The following RYK variants were observed in gnomAD, a reference collection of about 807,000 sequenced individuals.
RYK encodes the protein inactive tyrosine-protein kinase RYK.
Under a neutral mutation model 70.2 loss-of-function variants are expected in RYK, and 21 were observed. The ratio of observed to expected loss-of-function variants is 0.30; its 90% CI spans 0.21 to 0.43. The LOEUF is 0.43. Ranked by LOEUF, RYK falls within the 20% of genes least tolerant of loss-of-function variation. The pLI is 1.00. For synonymous variants in RYK, 267 were observed against 278.0 expected (o/e 0.96, Z 0.39); for missense variants, 604 against 753.3 (o/e 0.80, Z 2.32).
intron 1 of RYK, among the ~76,000 whole-genome samples, chr3:134,236,876 T>C (rs1278162820): frequency 6.6e-6 from 1 of 152,200 alleles, no homozygotes; most frequent in Non-Finnish European, 1.5e-5. Context: ...GGTAGCATTT[T>C]GTCATTAGAA....
chr3:134,226,861 T>C (rs1391733389), intron 1 of RYK, among the ~76,000 whole-genome samples: 1 of 152,094 alleles, frequency 6.6e-6, no homozygotes, highest in Non-Finnish European at 1.5e-5. Flanking sequence ...TCATACTCAA[T>C]GGTAAATTAT....
intron 13 of RYK, among the ~76,000 whole-genome samples, chr3:134,174,927 A>C (rs1356471265): frequency 6.6e-6 from 1 of 152,168 alleles, no homozygotes; most frequent in African/African-American, 2.4e-5. Flanking sequence ...TCTAGCAACT[A>C]TTTGGTCTGC....
rs762817075 is a variant in RYK at position 134,183,075 on chromosome 3, T to C, written c.1103-4A>G. The stretch of plus-strand genomic sequence containing the variant: ...ACCTGAATTTCAGAAGCTTGATCTA[T>C]ATATAAAGAAAAGAAAATGTCTTGA... On this transcript the variant is annotated splice_region_variant and splice_polypyrimidine_tract_variant and intron_variant, in intron 9 of 14. Transcript: ENST00000623711. 30 of 1,549,662 alleles carry C rather than the reference T, an allele frequency of 1.9e-5. No homozygotes were observed. Among genetic ancestry groups the C allele is most frequent in the Admixed American group, 1.1e-4 (6 of 53,864 alleles).
At chr3:134,161,357 T>G (rs1043890577) in intron 13 of RYK, among the ~76,000 whole-genome samples, 15 of 152,206 alleles carry the variant, frequency 9.9e-5, no homozygotes, top group South Asian at 2.1e-4. Context: ...TTCTTTGCTG[T>G]GAGAAGCTGT....
chr3:134,206,839 G>A (rs896042477), intron 5 of RYK, among the ~76,000 whole-genome samples: 6 of 151,986 alleles, frequency 3.9e-5, no homozygotes, highest in African/African-American at 7.3e-5. Flanking sequence ...TCATCAAAGC[G>A]TACTCTGAAC....
At chr3:134,173,115 C>T (rs1422710842) in intron 13 of RYK, among the ~76,000 whole-genome samples, 1 of 151,858 alleles carries the variant, frequency 6.6e-6, no homozygotes, top group Non-Finnish European at 1.5e-5. Flanking sequence ...AAATGAAAGA[C>T]CTTGATTTTA....
chr3:134,202,427 G>C (rs1303729426), intron 6 of RYK: 4 of 269,500 alleles, frequency 1.5e-5, no homozygotes, highest in Non-Finnish European at 2.8e-5. Flanking sequence ...GGAAGAAACA[G>C]GGCTATTTTG....
chr3:134,173,528 C>A (rs1488487235), intron 13 of RYK, among the ~76,000 whole-genome samples: 1 of 152,110 alleles, frequency 6.6e-6, no homozygotes, highest in African/African-American at 2.4e-5. Context: ...GAAGCAGGCA[C>A]CTTCCTCACA....
chr3:134,232,439 C>G (rs2015089951), intron 1 of RYK, among the ~76,000 whole-genome samples: 1 of 152,142 alleles, frequency 6.6e-6, no homozygotes, highest in Admixed American at 6.5e-5. Context: ...GATGCTTGTA[C>G]CCTCAACAAA....
rs1480015714 is a variant in RYK, at chr3:134,250,820, CG to C, written c.-167del. On this transcript the variant is annotated 5_prime_UTR_variant, in exon 1 of 15. The change abolishes the stop of an existing upstream ORF in the 5' untranslated region. Transcript: ENST00000623711. ...GCTTCAGACCTCCGGAGCGCGCCGC[CG>C]CCGCCGCCTCCTCGCTGCATCGTCC... 5.9e-6 allele frequency: 1 copy of C among 169,202 alleles called. No individual in the cohort carries two copies. The allele number at this position is 169,202 out of a possible 1,614,324, so 10.5% of individuals were successfully genotyped here.
intron 8 of RYK, among the ~76,000 whole-genome samples, chr3:134,189,930 C>T (rs2013594554): frequency 6.6e-6 from 1 of 152,070 alleles, no homozygotes; most frequent in African/African-American, 2.4e-5. Flanking sequence ...TACTCTTTCT[C>T]ACTAGAAAAT....
intron 8 of RYK, among the ~76,000 whole-genome samples, chr3:134,189,942 G>A (rs1188692367): frequency 6.6e-6 from 1 of 152,000 alleles, no homozygotes; most frequent in African/African-American, 2.4e-5. Flanking sequence ...CTAGAAAATT[G>A]TTTACTTTCC....
intron 1 of RYK, among the ~76,000 whole-genome samples, chr3:134,248,201 A>G (rs2015516801): frequency 6.6e-6 from 1 of 152,186 alleles, no homozygotes; most frequent in Non-Finnish European, 1.5e-5. Context: ...CCCTATTTGC[A>G]CTAGAGAAAA....
intron 6 of RYK, among the ~76,000 whole-genome samples, chr3:134,199,493 C>A (rs2013919227): frequency 6.6e-6 from 1 of 152,182 alleles, no homozygotes; most frequent in Non-Finnish European, 1.5e-5. Flanking sequence ...GAAGAGCAAT[C>A]CTGAAAAAGT....
At chr3:134,246,984 G>GA (rs370867789) in intron 1 of RYK, among the ~76,000 whole-genome samples, 127 of 143,976 alleles carry the variant, frequency 8.8e-4, no homozygotes, top group Non-Finnish European at 1.1e-3. Context: ...GTGCTACCTG[G>GA]AAAAAAAAAA....
At chr3:134,249,070 C>T (rs2015541867) in intron 1 of RYK, among the ~76,000 whole-genome samples, 1 of 152,082 alleles carries the variant, frequency 6.6e-6, no homozygotes, top group African/African-American at 2.4e-5. Flanking sequence ...CTTTACAAAA[C>T]CATGCATAAT....
At position 134,224,058 on chromosome 3, in the gene RYK, C is replaced by T. The variant is rs569633058; in HGVS notation, c.233-1519G>A. On this transcript the variant is annotated intron_variant, in intron 1 of 14. Transcript: ENST00000623711. ...CTTGTAGGGTCCAACCCTACAGGGC[C>T]TGTGGGTTTTTCTCCTTGTGTGCGG... is the stretch of plus-strand genomic sequence containing the variant. Among the ~76,000 whole-genome samples, 29 of 152,258 alleles carry T rather than the reference C, an allele frequency of 1.9e-4. No individual in the cohort carries two copies. In the South Asian group the frequency reaches 4.4e-3, roughly 23 times the overall value.
In RYK at chr3:134,215,112, G is replaced by A. The variant is rs975380417; in HGVS notation, c.355-3505C>T. ...CTTACTATTTCCCCAGAAACTTGCT[G>A]TCTCCTTTATTCTAGGTCTCAGTTA... On this transcript the variant is annotated intron_variant, in intron 2 of 14. Coordinates refer to ENST00000623711, the MANE Select transcript of RYK (RefSeq NM_002958.4). Among the ~76,000 whole-genome samples, 6 of 152,180 alleles carry A rather than the reference G, an allele frequency of 3.9e-5. 1 individual carries two copies. The highest frequency in any genetic ancestry group is 1.4e-4 in the African/African-American group (6 of 41,454).
chr3:134,189,073 T>A, intron 8 of RYK, 150 bp from the exon 9 acceptor site: 1 of 498,748 alleles, frequency 2.0e-6, no homozygotes, highest in East Asian at 3.5e-5. Context: ...ACCCAAATCT[T>A]TGGTTTTAAC....
Sources: allele counts gnomAD v4.1 joint callset (sites outside exome capture counted in the v4.1 genomes callset), GRCh38; gene constraint gnomAD v4.1.1; transcripts MANE v1.5; gene names NCBI Gene and HGNC (gene_info 2026-07-23, HGNC 2026-07-21).